The following ENTPD2 variants were observed in gnomAD, a reference collection of about 807,000 sequenced individuals.
ENTPD2 encodes CD39 antigen-like 1.
In ENTPD2, 48 loss-of-function variants were observed where a neutral mutation model predicts 46.8. The observed-to-expected ratio is 1.03, with a 90% confidence interval of 0.81 to 1.30. ENTPD2 has a LOEUF of 1.30. Among genes scored for constraint, ENTPD2 ranks in the 50% most tolerant of loss-of-function variants. The pLI, the probability that ENTPD2 is intolerant of heterozygous loss-of-function variation, is 0.00. For missense variants in ENTPD2, 707 were observed against 651.1 expected, an observed-to-expected ratio of 1.09 and a Z score of -0.93; for synonymous variants, 316 against 286.1, an observed-to-expected ratio of 1.10 and a Z score of -1.06.
rs1411876390 is a variant in ENTPD2 at position 137,048,786 on chromosome 9, C to T, written c.1359G>A (p.Pro453=). The T allele has an allele frequency of 1.8e-5, 28 of 1,587,166 alleles. No homozygotes were observed. The highest frequency in any genetic ancestry group is 2.1e-5 in the Non-Finnish European group (25 of 1,166,136). Residue 453 remains proline (P), a synonymous_variant, in exon 9 of 9, where the codon CCG becomes CCA. Coordinates refer to ENST00000355097, the MANE Select transcript of ENTPD2 (RefSeq NM_203468.3). ...NLTNLIPADP[P]GLRKGTDFSS... ...TGAAGTCTGTGCCCTTGCGCAGCCCCGGCGGGTCGGCGGGGATCAGGTTGG... is the reference window on the plus strand; with the variant it reads ...TGAAGTCTGTGCCCTTGCGCAGCCCTGGCGGGTCGGCGGGGATCAGGTTGG...
At chr9:137,049,597 C>T in intron 7 of ENTPD2, 1 of 476,020 alleles carries the variant, frequency 2.1e-6, no homozygotes, top group South Asian at 2.4e-5. Context: ...ATGGAGGGAA[C>T]CAGTGGCAGA....
Position 137,048,942 on chromosome 9 carries a change from T to G in ENTPD2, c.1283A>C (p.Lys428Thr), listed in dbSNP as rs1475594521. ...RAFGGVIFQKKAADTAVGWAL... is the reference protein window; with the variant it reads ...RAFGGVIFQKTAADTAVGWAL... ...CCGCCCCGCCCCGCCCCAGCCCACC[T>G]TCTTCTGGAAGATCACGCCGCCGAA... The change falls in exon 8 of 9, where the codon AAG becomes ACG. Residue 428 changes from lysine (K) to threonine (T), a missense_variant and splice_region_variant. By Grantham distance (78) the Lys-to-Thr change is moderately conservative. Transcript: ENST00000355097. 2.1e-6 allele frequency: 2 copies of G among 955,064 alleles called. No homozygotes were observed. The highest frequency in any genetic ancestry group is 2.7e-5 in the Admixed American group (1 of 37,518). 59.2% of individuals were successfully genotyped at this position (955,064 alleles called of 1,614,324 possible).
At position 137,051,234 on chromosome 9, in the gene ENTPD2, AG is replaced by A. The variant is rs1564253263; in HGVS notation, c.522del (p.Tyr175ThrfsTer200). On this transcript the variant is annotated frameshift_variant, in exon 4 of 9. Transcript: ENST00000355097. LOFTEE classifies it high-confidence loss of function. ...ACCTTGATGAAGTTCTCCAGCAGGT[AG>A]TTGGCAGTCACCCAGCCAAACACCC... The part of the protein sequence containing the change: ...EEGVFGWVTA[N>X]YLLENFIKYG... The A allele has an allele frequency of 3.1e-6, 5 of 1,612,814 alleles. No homozygotes were observed. The highest frequency in any genetic ancestry group is 3.4e-6 in the Non-Finnish European group (4 of 1,179,890).
At chr9:137,048,919 G>A in intron 8 of ENTPD2, 22 bp downstream of exon 8, 2 of 693,900 alleles carry the variant, frequency 2.9e-6, no homozygotes, top group African/African-American at 3.8e-5. Context: ...GGTCGGCCCC[G>A]CCCCGCCCCG....
At position 137,048,581 on chromosome 9, in the gene ENTPD2, G is replaced by C; in HGVS notation, c.*76C>G. 1.5e-6 allele frequency: 2 copies of C among 1,319,932 alleles called. No individual in the cohort carries two copies. Among genetic ancestry groups the C allele is most frequent in the Admixed American group, 2.3e-5 (1 of 43,514 alleles). The allele number at this position is 1,319,932 out of a possible 1,614,324, so 81.8% of individuals were successfully genotyped here. ...GGATACAGGGGTGGGAGGTACAGGG[G>C]TTGTGGGAGGGGTGGGAGTACGGGG... On this transcript the variant is annotated 3_prime_UTR_variant, in exon 9 of 9. Transcript: ENST00000355097.
intron 4 of ENTPD2, 25 bp downstream of exon 4, chr9:137,051,186 C>A: frequency 6.2e-7 from 1 of 1,611,948 alleles, no homozygotes; most frequent in Non-Finnish European, 8.5e-7. Flanking sequence ...CGCCCCCTGG[C>A]TCTTTGGCTG....
chr9:137,051,719 G>A, intron 2 of ENTPD2, 59 bp from the exon 3 acceptor site: 1 of 1,521,486 alleles, frequency 6.6e-7, no homozygotes, highest in South Asian at 1.3e-5. Flanking sequence ...GTGGGCCGTA[G>A]GCCAGGAGAG....
At position 137,052,361 on chromosome 9, in the gene ENTPD2, G is replaced by A. The variant is rs575707189; in HGVS notation, c.118-13C>T. On this transcript the variant is annotated splice_polypyrimidine_tract_variant and intron_variant, in intron 1 of 8. Coordinates refer to ENST00000355097, the MANE Select transcript of ENTPD2 (RefSeq NM_203468.3). ...GGACGATGCCATACTGCGGGGGAGG[G>A]GGAGGGAGTCAGCCTGGGGTGTCCG... 2 of 1,452,046 alleles carry A rather than the reference G, an allele frequency of 1.4e-6. No individual in the cohort carries two copies. Among genetic ancestry groups the A allele is most frequent in the South Asian group, 1.1e-5 (1 of 87,504 alleles). The allele number at this position is 1,452,046 out of a possible 1,614,324, so 89.9% of individuals were successfully genotyped here. A position where few individuals can be genotyped will look rare whatever the true frequency, so the allele number is the denominator to read the frequency against.
intron 8 of ENTPD2, 27 bp downstream of exon 8, chr9:137,048,914 G>GGGCCCCCC: frequency 6.8e-7 from 1 of 1,472,016 alleles, no homozygotes; most frequent in Non-Finnish European, 9.0e-7. Flanking sequence ...CGCAAGGTCG[G>GGGCCCCCC]CCCCGCCCCG....
chr9:137,048,563 G>A lies in ENTPD2; in HGVS notation c.*94C>T, dbSNP rs1267267171. The A allele has an allele frequency of 1.2e-4, 133 of 1,090,198 alleles. No homozygotes were observed. Among genetic ancestry groups the A allele is most frequent in the Non-Finnish European group, 1.7e-4 (128 of 775,082 alleles). 67.5% of individuals were successfully genotyped at this position (1,090,198 alleles called of 1,614,324 possible). On this transcript the variant is annotated 3_prime_UTR_variant, in exon 9 of 9. Transcript: ENST00000355097. ...GGGTGGGTGGAGGGGTGGGGATACA[G>A]GGGTGGGAGGTACAGGGGTTGTGGG...
Position 137,049,945 on chromosome 9 carries a change from C to G in ENTPD2, c.1074G>C (p.Ser358=), listed in dbSNP as rs763454460. The part of the protein sequence containing the change: ...FFYTVDFLRT[S]MGLPVATLQQ... Reference sequence around the variant, plus strand: ...GCAGGGTGGCCACGGGCAGCCCCATCGAAGTCCGCAAAAAGTCCACAGTGT... The same window carrying G: ...GCAGGGTGGCCACGGGCAGCCCCATGGAAGTCCGCAAAAAGTCCACAGTGT... The change falls in exon 7 of 9, where the codon TCG becomes TCC. Residue 358 remains serine, a synonymous_variant. Transcript: ENST00000355097. 4 of 1,612,594 alleles carry G rather than the reference C, an allele frequency of 2.5e-6. No individual in the cohort carries two copies. The highest frequency in any genetic ancestry group is 1.3e-5 in the African/African-American group (1 of 75,036).
chr9:137,050,041 T>C lies in ENTPD2; in HGVS notation c.1030-52A>G. 4 of 1,420,570 alleles carry C rather than the reference T, an allele frequency of 2.8e-6. 1 individual carries two copies. The allele number at this position is 1,420,570 out of a possible 1,614,324, so 88.0% of individuals were successfully genotyped here. On this transcript the variant is annotated intron_variant, in intron 6 of 8. Coordinates refer to ENST00000355097, the MANE Select transcript of ENTPD2 (RefSeq NM_203468.3). Reference sequence around the variant, plus strand: ...CCGAACCCCAGCGGCTCAGAGCACCTGCTGCCACCCGCCTGTCCCTACTCA... The same window carrying C: ...CCGAACCCCAGCGGCTCAGAGCACCCGCTGCCACCCGCCTGTCCCTACTCA...
At position 137,050,353 on chromosome 9, in the gene ENTPD2, G is replaced by C. The variant is rs535917485; in HGVS notation, c.960C>G (p.Phe320Leu). 1.2e-6 allele frequency: 2 copies of C among 1,612,940 alleles called. No individual in the cohort carries two copies. The highest frequency in any genetic ancestry group is 2.7e-5 in the African/African-American group (2 of 74,968). ...AGCATCGGGAGAAGGGGCAGGAGGA[G>C]AAGCTGAAGAGCCCAGAAACCAGAT... ...CRDLVSGLFS[F>L]SSCPFSRCSF... Residue 320 changes from phenylalanine (F) to leucine (L), a missense_variant, in exon 6 of 9, where the codon TTC becomes TTG. Phe to Leu is a conservative substitution (Grantham distance 22). Coordinates refer to ENST00000355097, the MANE Select transcript of ENTPD2 (RefSeq NM_203468.3).
In ENTPD2 at chr9:137,050,390, T is replaced by TG. The variant is rs967652291; in HGVS notation, c.922dup (p.His308ProfsTer331). The stretch of plus-strand genomic sequence containing the variant: ...CCCAGAAACCAGATCTCGGCAGAGG[T>TG]GGGGGTCACTGCTCCCTGACAGGCT... On this transcript the variant is annotated frameshift_variant, in exon 6 of 9. Transcript: ENST00000355097. LOFTEE classifies it high-confidence loss of function. 6.2e-6 allele frequency: 10 copies of TG among 1,612,604 alleles called. No individual in the cohort carries two copies. The highest frequency in any genetic ancestry group is 7.6e-6 in the Non-Finnish European group (9 of 1,179,912).
intron 2 of ENTPD2, among the ~76,000 whole-genome samples, 167 bp from the exon 3 acceptor site, chr9:137,051,827 G>A (rs918310191): frequency 2.6e-5 from 4 of 152,228 alleles, no homozygotes; most frequent in Non-Finnish European, 2.9e-5. Context: ...AAGGGGCCCA[G>A]GTGCCACCCG....
intron 1 of ENTPD2, 129 bp from the exon 2 acceptor site, chr9:137,052,477 T>C (rs1832320351): frequency 1.4e-6 from 1 of 717,986 alleles, no homozygotes; most frequent in African/African-American, 1.8e-5. Flanking sequence ...CCAAGCCTCA[T>C]GCTGAAGCTC....
Position 137,050,978 on chromosome 9 carries a change from T to C in ENTPD2, c.698A>G (p.Tyr233Cys). ...EVQLHLYGQH[Y>C]RVYTHSFLCY... ...GAGGAAGCTGTGGGTGTAGACTCGG[T>C]AGTGCTGGCCGTAGAGATGCAGCTG... Residue 233 changes from tyrosine (Y) to cysteine (C), a missense_variant, in exon 5 of 9, where the codon TAC (tyrosine) becomes TGC (cysteine). By Grantham distance (194) the Tyr-to-Cys change is radical. Transcript: ENST00000355097. The C allele has an allele frequency of 1.4e-6, 2 of 1,476,488 alleles. No homozygotes were observed. The highest frequency in any genetic ancestry group is 1.8e-6 in the Non-Finnish European group (2 of 1,111,624). The allele number at this position is 1,476,488 out of a possible 1,614,324, so 91.5% of individuals were successfully genotyped here. A position where few individuals can be genotyped will look rare whatever the true frequency, so the allele number is the denominator to read the frequency against.
intron 8 of ENTPD2, 24 bp from the exon 9 acceptor site, chr9:137,048,884 G>A: frequency 2.7e-6 from 4 of 1,508,130 alleles, no homozygotes; most frequent in Non-Finnish European, 2.7e-6. Context: ...CGTGGCCTCA[G>A]CTCCCGAGAG....
chr9:137,050,822 C>G (rs927313534), intron 5 of ENTPD2, 80 bp downstream of exon 5: 16 of 1,507,610 alleles, frequency 1.1e-5, no homozygotes, highest in Admixed American at 3.6e-5. Context: ...CCTGGAGAAG[C>G]CTTCCACAGC....
Sources: allele counts gnomAD v4.1 joint callset (sites outside exome capture counted in the v4.1 genomes callset), GRCh38; gene constraint gnomAD v4.1.1; transcripts MANE v1.5; gene names NCBI Gene and HGNC (gene_info 2026-07-23, HGNC 2026-07-21).